The following TIPIN variants were observed in gnomAD, a reference collection of about 807,000 sequenced individuals.
TIPIN encodes TIMELESS-interacting protein.
A neutral mutation model predicts 35.6 loss-of-function variants in TIPIN; 29 were observed. The ratio of observed to expected loss-of-function variants is 0.82; its 90% CI spans 0.61 to 1.11. The LOEUF is 1.11. TIPIN is among the 50% of genes most tolerant of loss of function. TIPIN has a pLI of 0.00. For missense variants in TIPIN, 296 were observed against 345.4 expected (o/e 0.86, Z 1.13); for synonymous variants, 102 against 121.5 (o/e 0.84, Z 1.06).
chr15:66,366,315 A>G (rs1375257745), intron 1 of TIPIN, among the ~76,000 whole-genome samples: 4 of 151,840 alleles, frequency 2.6e-5, no homozygotes, highest in Non-Finnish European at 5.9e-5. Flanking sequence ...TTAGCTGGGC[A>G]TGGTGGCGGG....
chr15:66,372,395 G>A (rs2140491527), intron 1 of TIPIN, among the ~76,000 whole-genome samples: 1 of 152,354 alleles, frequency 6.6e-6, no homozygotes, highest in African/African-American at 2.4e-5. Flanking sequence ...GTTGCAAGTA[G>A]TAGTCCATTT....
intron 6 of TIPIN, among the ~76,000 whole-genome samples, chr15:66,346,816 C>T (rs1301179908): frequency 2.7e-5 from 4 of 150,442 alleles, no homozygotes; most frequent in South Asian, 2.1e-4. Flanking sequence ...TTTTTTGAGA[C>T]GGAGTCTTGC....
intron 4 of TIPIN, 88 bp downstream of exon 4, chr15:66,351,437 G>T: frequency 1.1e-6 from 1 of 946,760 alleles, no homozygotes; most frequent in Non-Finnish European, 1.7e-6. Context: ...GTATCTTAAA[G>T]CATTCTGAGA....
chr15:66,351,992 G>A (rs1365283611), intron 3 of TIPIN, 137 bp downstream of exon 3: 1 of 673,220 alleles, frequency 1.5e-6, no homozygotes, highest in Admixed American at 3.5e-5. Flanking sequence ...GAAAAAATAT[G>A]TTCTGCTGAA....
chr15:66,361,562 TA>T (rs376136865), upstream of TIPIN, among the ~76,000 whole-genome samples: 1,393 of 133,772 alleles, frequency 0.01, 48 homozygotes, highest in Admixed American at 0.065. Flanking sequence ...ACCTGTAATT[TA>T]AAAAAAAAAA....
intron 1 of TIPIN, among the ~76,000 whole-genome samples, chr15:66,361,866 T>G (rs1213306989): frequency 6.7e-6 from 1 of 149,932 alleles, no homozygotes; most frequent in Non-Finnish European, 1.5e-5. Context: ...GTTAGCTGGG[T>G]GTGGTGGTGC....
At chr15:66,339,919 G>C (rs933222888) in intron 7 of TIPIN, among the ~76,000 whole-genome samples, 5 of 151,798 alleles carry the variant, frequency 3.3e-5, no homozygotes, top group Non-Finnish European at 7.4e-5. Context: ...ACCCAGGCTG[G>C]AGTGCAGTGG....
At chr15:66,385,740 G>T (rs1213358434) in intron 1 of TIPIN, among the ~76,000 whole-genome samples, 2 of 152,122 alleles carry the variant, frequency 1.3e-5, no homozygotes, top group South Asian at 4.1e-4. Flanking sequence ...ACCCGTCTCG[G>T]CCTCCCAAAG....
chr15:66,366,496 G>A (rs1437381370), intron 1 of TIPIN, among the ~76,000 whole-genome samples: 1 of 150,032 alleles, frequency 6.7e-6, no homozygotes, highest in Non-Finnish European at 1.5e-5. Flanking sequence ...GCTCATGCCT[G>A]TAATTCCAGC....
chr15:66,371,386 A>G lies in TIPIN; in HGVS notation c.-9+15221T>C, dbSNP rs952783740. ...AAGTGTTTTAATGTGAGAAAGGCCT[A>G]TATCATTTTTTTCAACCTAAAAAGC... On this transcript the variant is annotated intron_variant, in intron 1 of 7. Transcript: ENST00000562124. The G allele has an allele frequency of 2.5e-5, 25 of 984,912 alleles. No individual in the cohort carries two copies. The African/African-American group carries it at 2.8e-4, about 11-fold the overall frequency. 61.0% of individuals were successfully genotyped at this position (984,912 alleles called of 1,614,324 possible).
At position 66,356,378 on chromosome 15, in the gene TIPIN, T is replaced by C. The variant is rs62627262; in HGVS notation, c.-9+261A>G. ...CCCGGACAGAAGCCTGGGGTAAAGA[T>C]GATCAGGAACACGTTCCCTCCCGCT... On this transcript the variant is annotated intron_variant, in intron 1 of 7. Transcript: ENST00000261881. Among the ~76,000 whole-genome samples, 483 of 152,214 alleles carry C rather than the reference T, an allele frequency of 3.2e-3. 4 individuals carry two copies. The highest frequency in any genetic ancestry group is 0.011 in the African/African-American group (467 of 41,520).
At chr15:66,364,158 C>CTTTTTTT (rs747825457) in intron 1 of TIPIN, among the ~76,000 whole-genome samples, 22 of 73,792 alleles carry the variant, frequency 3.0e-4, no homozygotes, top group Admixed American at 7.1e-4. Flanking sequence ...TCTTTCTTTT[C>CTTTTTTT]TTTTTTTTTT....
intron 1 of TIPIN, among the ~76,000 whole-genome samples, chr15:66,378,520 G>A (rs1357853960): frequency 6.6e-6 from 1 of 152,082 alleles, no homozygotes; most frequent in African/African-American, 2.4e-5. Context: ...TACCATTTGT[G>A]TACTTATATC....
At chr15:66,352,347 G>C (rs565957563) in intron 2 of TIPIN, 140 bp from the exon 3 acceptor site, 1 of 636,728 alleles carries the variant, frequency 1.6e-6, no homozygotes, top group East Asian at 3.0e-5. Flanking sequence ...TGCCCATGCT[G>C]GAGTGCAGTG....
intron 1 of TIPIN, among the ~76,000 whole-genome samples, chr15:66,372,387 T>G (rs1344099102): frequency 6.6e-6 from 1 of 152,226 alleles, no homozygotes; most frequent in Admixed American, 6.6e-5. Flanking sequence ...CGCATATTGT[T>G]GCAAGTAGTA....
At chr15:66,339,446 T>C (rs2093070108) in intron 7 of TIPIN, among the ~76,000 whole-genome samples, 1 of 151,872 alleles carries the variant, frequency 6.6e-6, no homozygotes, top group South Asian at 2.1e-4. Flanking sequence ...AAGGAAAAAC[T>C]GAATGGGAAA....
intron 1 of TIPIN, among the ~76,000 whole-genome samples, chr15:66,374,770 C>T (rs138822641): frequency 0.012 from 1,885 of 152,088 alleles, 19 homozygotes; most frequent in Non-Finnish European, 0.016. Context: ...TTAGTAGAGA[C>T]GGGGTTTCAC....
rs756545793 is a variant in TIPIN at position 66,347,251 on chromosome 15, C to G, written c.475+1809G>C. 5.8e-6 allele frequency: 3 copies of G among 518,428 alleles called. No individual in the cohort carries two copies. The Admixed American group carries it at 5.8e-5, about 10-fold the overall frequency. 32.1% of individuals were successfully genotyped at this position (518,428 alleles called of 1,614,324 possible). Reference sequence around the variant, plus strand: ...CAGAAAATCTGATAACTATACAGACCCTGTCGGCAGGAACCATCTGTTTTA... The same window carrying G: ...CAGAAAATCTGATAACTATACAGACGCTGTCGGCAGGAACCATCTGTTTTA... On this transcript the variant is annotated intron_variant, in intron 6 of 7. Transcript: ENST00000261881.
chr15:66,357,523 C>A (rs1247104970), upstream of TIPIN, among the ~76,000 whole-genome samples: 1 of 119,452 alleles, frequency 8.4e-6, no homozygotes, highest in Non-Finnish European at 1.6e-5. Flanking sequence ...AAGTTGAAGG[C>A]GGCAGTGACT....
Sources: allele counts gnomAD v4.1 joint callset (sites outside exome capture counted in the v4.1 genomes callset), GRCh38; gene constraint gnomAD v4.1.1; transcripts MANE v1.5; gene names NCBI Gene and HGNC (gene_info 2026-07-23, HGNC 2026-07-21).